The following ATPAF1 variants were observed in gnomAD, a reference collection of about 807,000 sequenced individuals.
ATPAF1 encodes the protein homolog of yeast ATP11.
In ATPAF1, 26 loss-of-function variants were observed where a neutral mutation model predicts 43.9. The ratio of observed to expected loss-of-function variants is 0.59; its 90% CI spans 0.43 to 0.82. The LOEUF (loss-of-function observed/expected upper bound fraction) is 0.82. ATPAF1 is among the 40% of genes least tolerant of loss of function. The pLI, the probability that ATPAF1 is intolerant of heterozygous loss-of-function variation, is 0.00. For missense variants in ATPAF1, 366 were observed against 435.0 expected, an observed-to-expected ratio of 0.84 and a Z score of 1.41; for synonymous variants, 157 against 168.0, an observed-to-expected ratio of 0.93 and a Z score of 0.50.
At chr1:46,649,669 A>C (rs1354546867) in intron 6 of ATPAF1, among the ~76,000 whole-genome samples, 1 of 152,188 alleles carries the variant, frequency 6.6e-6, no homozygotes, top group Non-Finnish European at 1.5e-5. Flanking sequence ...CACACCTGTA[A>C]TCCCAGCACT....
exon 3 of ATPAF1, chr1:46,658,703 C>G (rs1280549082): frequency 1.2e-6 from 2 of 1,602,692 alleles, no homozygotes; most frequent in Admixed American, 1.7e-5. Context: ...CTTAGTGAAT[C>G]CTCTGTTCAC....
At chr1:46,657,605 T>C (rs1676297115) in intron 4 of ATPAF1, among the ~76,000 whole-genome samples, 1 of 152,216 alleles carries the variant, frequency 6.6e-6, no homozygotes, top group South Asian at 2.1e-4. Context: ...ATGAGGTAAG[T>C]GCTATTATTT....
At chr1:46,637,269 A>G (rs1230176890) in intron 8 of ATPAF1, among the ~76,000 whole-genome samples, 3 of 152,008 alleles carry the variant, frequency 2.0e-5, no homozygotes, top group Non-Finnish European at 4.4e-5. Flanking sequence ...AGTCCTAGCT[A>G]CTCGGGAGGC....
chr1:46,640,794 G>C (rs1675936432), intron 8 of ATPAF1, among the ~76,000 whole-genome samples: 1 of 152,208 alleles, frequency 6.6e-6, no homozygotes, highest in African/African-American at 2.4e-5. Context: ...CAACAATTTT[G>C]TACTTCCTCT....
exon 9 of ATPAF1, chr1:46,635,072 A>G (rs1247641442): frequency 6.5e-6 from 1 of 152,680 alleles, no homozygotes; most frequent in Non-Finnish European, 1.5e-5. Flanking sequence ...TTTTATTTAT[A>G]CTGCACTGAT....
chr1:46,657,744 C>T (rs1207497308), intron 4 of ATPAF1, among the ~76,000 whole-genome samples: 2 of 152,028 alleles, frequency 1.3e-5, no homozygotes, highest in African/African-American at 2.4e-5. Flanking sequence ...TAAACCAATA[C>T]ACTATACTTC....
intron 2 of ATPAF1, 34 bp from the exon 3 acceptor site, chr1:46,658,771 T>A: frequency 6.7e-7 from 1 of 1,482,220 alleles, no homozygotes; most frequent in Non-Finnish European, 9.1e-7. Flanking sequence ...TAATCTACAC[T>A]TTACTCATAA....
intron 2 of ATPAF1, chr1:46,664,994 A>G (rs1676463224): frequency 4.5e-6 from 2 of 440,614 alleles, no homozygotes; most frequent in African/African-American, 4.0e-5. Flanking sequence ...GCCTACTACC[A>G]TGTGTGCCTT....
rs548558340 is a variant in ATPAF1, at chr1:46,658,917, C to T, written c.376-180G>A. Among the ~76,000 whole-genome samples, 7 of 152,176 alleles carry T rather than the reference C, an allele frequency of 4.6e-5. No homozygotes were observed. In the East Asian group the frequency reaches 5.8e-4, roughly 13 times the overall value. On this transcript the variant is annotated intron_variant, in intron 2 of 8. Transcript: ENST00000574428. Reference sequence around the variant, plus strand: ...ATTTTAAAAATTATTGTTGGCTGGGCGCAGTGGCTCACACCTGTAATCCCA... The same window carrying T: ...ATTTTAAAAATTATTGTTGGCTGGGTGCAGTGGCTCACACCTGTAATCCCA...
rs187734664 is a variant in ATPAF1, at chr1:46,648,543, A to T, written c.589-3287T>A. 1.1e-3 allele frequency among the ~76,000 whole-genome samples: 173 copies of T among 152,100 alleles called. 1 individual carries two copies. The highest frequency in any genetic ancestry group is 3.8e-3 in the African/African-American group (159 of 41,506). On this transcript the variant is annotated intron_variant, in intron 6 of 8. Coordinates refer to ENST00000574428, the Ensembl canonical transcript of ATPAF1. ...AGCTGGGACAACAGGTGCTTGAAAA[A>T]TTTTTTTTATAGAGACAAGGTCTCA...
chr1:46,655,184 C>T (rs1318975889), intron 4 of ATPAF1, among the ~76,000 whole-genome samples: 1 of 152,118 alleles, frequency 6.6e-6, no homozygotes, highest in East Asian at 1.9e-4. Flanking sequence ...CATTGTGTCC[C>T]TCCCATGATG....
At chr1:46,663,656 T>G (rs898370242) in intron 2 of ATPAF1, among the ~76,000 whole-genome samples, 1 of 152,166 alleles carries the variant, frequency 6.6e-6, no homozygotes, top group Non-Finnish European at 1.5e-5. Context: ...TTTGTTTGAG[T>G]TCACTGTAGA....
At chr1:46,659,667 T>C (rs1304238744) in intron 2 of ATPAF1, among the ~76,000 whole-genome samples, 1 of 152,208 alleles carries the variant, frequency 6.6e-6, no homozygotes, top group Non-Finnish European at 1.5e-5. Context: ...GAGTAGTTTC[T>C]GGTAGTAGGG....
At chr1:46,665,513 GC>G in intron 1 of ATPAF1, 149 bp from the exon 2 acceptor site, 5 of 1,180,402 alleles carry the variant, frequency 4.2e-6, no homozygotes, top group Non-Finnish European at 6.0e-6. Flanking sequence ...CTGGGCACAG[GC>G]CTAGAAATAA....
At chr1:46,655,410 A>G (rs1295656851) in intron 4 of ATPAF1, among the ~76,000 whole-genome samples, 1 of 152,216 alleles carries the variant, frequency 6.6e-6, no homozygotes, top group Non-Finnish European at 1.5e-5. Flanking sequence ...AGGAAGCTAC[A>G]GTTGACCTTC....
At chr1:46,666,872 T>G (rs1676499647) in intron 1 of ATPAF1, among the ~76,000 whole-genome samples, 1 of 152,214 alleles carries the variant, frequency 6.6e-6, no homozygotes, top group East Asian at 1.9e-4. Flanking sequence ...ATTTATTTGT[T>G]CATGAGTGGG....
downstream of ATPAF1, chr1:46,633,892 C>G: frequency 6.6e-6 from 3 of 453,320 alleles, no homozygotes; most frequent in South Asian, 4.7e-5. Context: ...GTCAAAAATT[C>G]TTGGGACCCA....
intron 8 of ATPAF1, among the ~76,000 whole-genome samples, chr1:46,642,301 CT>C (rs1272575978): frequency 6.6e-6 from 1 of 152,172 alleles, no homozygotes; most frequent in Non-Finnish European, 1.5e-5. Flanking sequence ...CCCTATGCAG[CT>C]GGTAAGAGAA....
At chr1:46,651,156 C>G (rs1032462154) in intron 6 of ATPAF1, among the ~76,000 whole-genome samples, 75 of 152,140 alleles carry the variant, frequency 4.9e-4, no homozygotes, top group African/African-American at 1.5e-3. Flanking sequence ...CCACTCCCCC[C>G]ACCCCACAAC....
Sources: gnomAD v4.1 joint callset for allele counts (sites outside exome capture counted in the v4.1 genomes callset) on GRCh38, gnomAD v4.1.1 for gene constraint, MANE v1.5 for transcripts, NCBI Gene and HGNC (gene_info 2026-07-23, HGNC 2026-07-21) for gene names.